The following MCF2L2 variants were observed in gnomAD, a reference collection of about 807,000 sequenced individuals.
MCF2L2 encodes MCF.2 cell line derived transforming sequence-like 2, also known as probable guanine nucleotide exchange factor MCF2L2.
MCF2L2 carries 102 observed loss-of-function variants against 150.2 expected under a neutral mutation model. The ratio of observed to expected loss-of-function variants is 0.68; its 90% confidence interval spans 0.58 to 0.80. MCF2L2 has a LOEUF of 0.80. Among genes scored for constraint, MCF2L2 ranks in the 30% least tolerant of loss-of-function variants. The pLI is 0.00. For missense variants in MCF2L2, 1,256 were observed against 1,372.8 expected (o/e 0.91, Z 1.34); for synonymous variants, 465 against 491.3 (o/e 0.95, Z 0.71).
intron 10 of MCF2L2, among the ~76,000 whole-genome samples, chr3:183,301,014 CAAAAAAAAAAA>C (rs11388183): frequency 3.0e-5 from 2 of 65,640 alleles, no homozygotes. Flanking sequence ...GACTCCATCT[CAAAAAAAAAAA>C]AAAAAAAAAA....
At chr3:183,205,249 C>T (rs1386349857) in intron 25 of MCF2L2, among the ~76,000 whole-genome samples, 6 of 152,154 alleles carry the variant, frequency 3.9e-5, no homozygotes, top group African/African-American at 7.2e-5. Context: ...CGTGTTGGCG[C>T]GCCTGTAGTC....
intron 13 of MCF2L2, among the ~76,000 whole-genome samples, chr3:183,290,338 G>C (rs1172708072): frequency 1.4e-5 from 2 of 146,216 alleles, no homozygotes; most frequent in African/African-American, 2.6e-5. Flanking sequence ...ATTGGGACTT[G>C]AGAGGAGAAG....
At position 183,270,395 on chromosome 3, in the gene MCF2L2, C is replaced by T. The variant is rs767794526; in HGVS notation, c.1862+6477G>A. The T allele has an allele frequency of 6.2e-7, 1 of 1,614,212 alleles. No homozygotes were observed. Among genetic ancestry groups the T allele is most frequent in the South Asian group, 1.1e-5 (1 of 91,090 alleles). Reference sequence around the variant, plus strand: ...CTGCTGATGATGACATATTTATTCACATGCCAAATCTGATTGAGTACCTTC... The same window carrying T: ...CTGCTGATGATGACATATTTATTCATATGCCAAATCTGATTGAGTACCTTC... On this transcript the variant is annotated intron_variant, in intron 15 of 29. Transcript: ENST00000328913. The surrounding 1 kb of genome is among the most constrained non-coding windows in gnomAD (Gnocchi z 4.5).
chr3:183,248,583 C>T (rs1264404645), intron 15 of MCF2L2, among the ~76,000 whole-genome samples: 1 of 152,078 alleles, frequency 6.6e-6, no homozygotes, highest in Non-Finnish European at 1.5e-5. Context: ...ACCTGTAATC[C>T]TAACACTTTG....
chr3:183,230,352 G>A (rs946760234), intron 16 of MCF2L2, among the ~76,000 whole-genome samples: 2 of 152,122 alleles, frequency 1.3e-5, no homozygotes, highest in South Asian at 2.1e-4. Flanking sequence ...GACCTCAGGC[G>A]ATCCACCCGC....
At chr3:183,284,244 T>C (rs1428820399) in intron 14 of MCF2L2, among the ~76,000 whole-genome samples, 2 of 152,144 alleles carry the variant, frequency 1.3e-5, no homozygotes, top group East Asian at 3.9e-4. Context: ...ACCACCTCAC[T>C]CCTCTCAACT....
chr3:183,193,092 C>T lies in MCF2L2; in HGVS notation c.2923G>A (p.Gly975Ser). The T allele has an allele frequency of 6.2e-7, 1 of 1,613,586 alleles. No individual in the cohort carries two copies. Among genetic ancestry groups the T allele is most frequent in the South Asian group, 1.1e-5 (1 of 91,052 alleles). Residue 975 changes from glycine (G) to serine (S), a missense_variant, in exon 27 of 30, where the codon GGC becomes AGC. Physicochemically the swap from Gly to Ser is moderately conservative, Grantham distance 56 (BLOSUM62 0). Coordinates refer to ENST00000328913, the MANE Select transcript of MCF2L2 (RefSeq NM_015078.4). Reference sequence around the variant, plus strand: ...CATGGTCCGGATCCTGCTCCACTGCCTTTGCTTTAGAGAAATAAACATGAA... The same window carrying T: ...CATGGTCCGGATCCTGCTCCACTGCTTTTGCTTTAGAGAAATAAACATGAA... ...NPQFEMSTSK[G>S]SGAGSGPWIK...
At chr3:183,423,628 ATTTG>A (rs1215566301) in intron 1 of MCF2L2, among the ~76,000 whole-genome samples, 22 of 100,668 alleles carry the variant, frequency 2.2e-4, no homozygotes, top group African/African-American at 6.8e-4. Flanking sequence ...TTTAAATTTT[ATTTG>A]TTTTTTTTTT....
intron 1 of MCF2L2, among the ~76,000 whole-genome samples, chr3:183,411,467 A>G (rs1030852515): frequency 1.3e-5 from 2 of 152,218 alleles, no homozygotes; most frequent in Admixed American, 6.5e-5. Flanking sequence ...AGCCAATGTG[A>G]TAACAGCCTC....
At chr3:183,357,398 A>G (rs1185061616) in intron 3 of MCF2L2, among the ~76,000 whole-genome samples, 1 of 152,218 alleles carries the variant, frequency 6.6e-6, no homozygotes, top group Non-Finnish European at 1.5e-5. Context: ...AACTACTCAC[A>G]GGAAAAACAA....
chr3:183,330,805 G>A (rs1428107703), intron 5 of MCF2L2, among the ~76,000 whole-genome samples: 1 of 152,120 alleles, frequency 6.6e-6, no homozygotes, highest in East Asian at 1.9e-4. Flanking sequence ...GACACACTAA[G>A]CATGTAAAAC....
chr3:183,420,179 T>C (rs1715803665), intron 1 of MCF2L2, among the ~76,000 whole-genome samples: 2 of 152,218 alleles, frequency 1.3e-5, no homozygotes, highest in Admixed American at 1.3e-4. Flanking sequence ...TTCTGAGCCC[T>C]CCAAATTGTT....
At chr3:183,241,895 A>G (rs1157060614) in intron 15 of MCF2L2, among the ~76,000 whole-genome samples, 2 of 152,208 alleles carry the variant, frequency 1.3e-5, no homozygotes, top group African/African-American at 4.8e-5. Context: ...TATGGGCAAT[A>G]AAGTCCAGGC....
intron 21 of MCF2L2, among the ~76,000 whole-genome samples, chr3:183,217,677 T>C (rs1722995817): frequency 6.6e-6 from 1 of 152,068 alleles, no homozygotes; most frequent in African/African-American, 2.4e-5. Flanking sequence ...AGCTATAACA[T>C]CATATTTCCA....
At chr3:183,385,760 A>G (rs963880904) in intron 2 of MCF2L2, among the ~76,000 whole-genome samples, 3 of 152,204 alleles carry the variant, frequency 2.0e-5, no homozygotes, top group African/African-American at 4.8e-5. Flanking sequence ...CTCCTGTGGC[A>G]GTTAGAAAGC....
At chr3:183,307,417 A>C (rs1729151875) in intron 10 of MCF2L2, among the ~76,000 whole-genome samples, 1 of 152,248 alleles carries the variant, frequency 6.6e-6, no homozygotes, top group Non-Finnish European at 1.5e-5. Context: ...GCAAAGGCAG[A>C]GACACAGGTG....
At chr3:183,254,810 G>A (rs1430761667) in intron 15 of MCF2L2, 1 of 152,238 alleles carries the variant, frequency 6.6e-6, no homozygotes, top group Non-Finnish European at 1.5e-5. Flanking sequence ...GGGCAGGCGG[G>A]GAGACTGCAG....
rs983308023 is a variant in MCF2L2, at chr3:183,428,284, G to A, written c.-307C>T. 2.4e-5 allele frequency: 8 copies of A among 329,270 alleles called. No individual in the cohort carries two copies. The highest frequency in any genetic ancestry group is 1.6e-4 in the African/African-American group (7 of 44,810). 20.4% of individuals were successfully genotyped at this position (329,270 alleles called of 1,614,324 possible). A position where few individuals can be genotyped will look rare whatever the true frequency, so the allele number is the denominator to read the frequency against. On this transcript the variant is annotated 5_prime_UTR_variant, in exon 1 of 30. Coordinates refer to ENST00000328913, the MANE Select transcript of MCF2L2 (RefSeq NM_015078.4). The surrounding 1 kb of genome is among the most constrained non-coding windows in gnomAD (Gnocchi z 5.1). ...GCCGGAACCGCGCCCCGGCTCCTCC[G>A]GCCGGGCGAGCTCCGGGGCTTCCAG...
chr3:183,357,746 G>C lies in MCF2L2; in HGVS notation c.276-16116C>G, dbSNP rs763941972. On this transcript the variant is annotated intron_variant, in intron 3 of 29. Coordinates refer to ENST00000328913, the MANE Select transcript of MCF2L2 (RefSeq NM_015078.4). ...GTACAGGCCAGATGCATCAAAGGCA[G>C]GTTCCCCAATGCTCTGCATGGGACC... 3.4e-4 allele frequency among the ~76,000 whole-genome samples: 51 copies of C among 151,964 alleles called. 1 individual carries two copies. Among genetic ancestry groups the C allele is most frequent in the Admixed American group, 3.2e-3 (49 of 15,256 alleles).
Sources: allele counts gnomAD v4.1 joint callset (sites outside exome capture counted in the v4.1 genomes callset), GRCh38; gene constraint gnomAD v4.1.1; non-coding constraint Gnocchi (gnomAD v3.1); transcripts MANE v1.5; gene names NCBI Gene and HGNC (gene_info 2026-07-23, HGNC 2026-07-21).